MUC12: variants seen among roughly 807,000 people sequenced by gnomAD.
MUC12 encodes mucin-12.
A neutral mutation model predicts 230.8 loss-of-function variants in MUC12; 172 were observed. That is an observed-to-expected ratio of 0.75 (90% CI 0.66 to 0.85). MUC12 has a LOEUF of 0.85. MUC12 is among the 40% of genes least tolerant of loss of function. The probability of loss-of-function intolerance (pLI) is 0.00; values close to 1 mark genes in which losing one functional copy is unlikely to be tolerated. For synonymous variants in MUC12, 1,259 were observed against 2,401.9 expected (o/e 0.52, Z 13.91); for missense variants, 3,506 against 5,920.6 (o/e 0.59, Z 13.38).
At chr7:100,990,537 T>A in intron 1 of MUC12, 94 bp from the exon 2 acceptor site, 2 of 1,438,226 alleles carry the variant, frequency 1.4e-6, no homozygotes, top group Non-Finnish European at 1.9e-6. Context: ...TGACCAGGTG[T>A]CTTCCAGCCC....
intron 1 of MUC12, among the ~76,000 whole-genome samples, chr7:100,989,243 G>T (rs1004845421): frequency 6.6e-6 from 1 of 151,610 alleles, no homozygotes; most frequent in African/African-American, 2.4e-5. Flanking sequence ...CAAGTAGCTG[G>T]GATTACAGGT....
In MUC12 at chr7:100,992,458, C is replaced by T. The variant is rs1793344859; in HGVS notation, c.1895C>T (p.Thr632Ile). 13 of 1,537,940 alleles carry T rather than the reference C, an allele frequency of 8.5e-6. No individual in the cohort carries two copies. The highest frequency in any genetic ancestry group is 9.6e-6 in the Non-Finnish European group (11 of 1,147,034). ...AGSTTRQGES[T>I]TFHSWPSSKD... ...TCTACAACCCGTCAGGGAGAATCTA[C>T]CACATTCCATAGCTGGCCAAGCTCA... is the stretch of plus-strand genomic sequence containing the variant. Residue 632 changes from threonine to isoleucine, a missense_variant, in exon 2 of 12, where the codon ACC becomes ATC. Transcript: ENST00000536621.
Position 101,004,601 on chromosome 7 carries a change from A to C in MUC12, c.14038A>C (p.Ser4680Arg). 6.5e-7 allele frequency: 1 copy of C among 1,536,824 alleles called. No individual in the cohort carries two copies. The highest frequency in any genetic ancestry group is 1.4e-5 in the African/African-American group (1 of 73,072). Residue 4680 changes from serine (S) to arginine (R), a missense_variant, in exon 2 of 12, where the codon AGT becomes CGT. Ser to Arg is a moderately radical substitution (Grantham distance 110, BLOSUM62 -1). Transcript: ENST00000536621. ...TGAGAGCTCCACAACCTCCGGCCGT[A>C]GTGAGGAATCAACAGCATCCCACAG... ...FPESSTTSGRSEESTASHSSP... is the reference protein window; with the variant it reads ...FPESSTTSGRREESTASHSSP...
rs764970956 is a variant in MUC12, at chr7:100,994,123, C to A, written c.3560C>A (p.Thr1187Lys). 18 of 1,030,510 alleles carry A rather than the reference C, an allele frequency of 1.7e-5. 6 individuals are homozygous for A. In the South Asian group the frequency reaches 2.6e-4, roughly 15 times the overall value. 63.8% of individuals were successfully genotyped at this position (1,030,510 alleles called of 1,614,324 possible). A position where few individuals can be genotyped will look rare whatever the true frequency, so the allele number is the denominator to read the frequency against. ...ACCTCAGTTCATGGTGAAGAGCCTACAACCTTCCACAGCCGGCCAGCCTCA... is the reference window on the plus strand; with the variant it reads ...ACCTCAGTTCATGGTGAAGAGCCTAAAACCTTCCACAGCCGGCCAGCCTCA... Reference protein sequence around the residue: ...TTTSVHGEEPTTFHSRPASTH... With the variant: ...TTTSVHGEEPKTFHSRPASTH... Residue 1187 changes from threonine (T) to lysine (K), a missense_variant, in exon 2 of 12, where the codon ACA (threonine) becomes AAA (lysine). Transcript: ENST00000536621.
At chr7:101,012,613 A>G (rs1246375522) in intron 6 of MUC12, among the ~76,000 whole-genome samples, 166 bp downstream of exon 6, 1 of 151,914 alleles carries the variant, frequency 6.6e-6, no homozygotes, top group East Asian at 1.9e-4. Context: ...GCTGCTCCCA[A>G]CAGCCCCCTC....
rs893481209 is a variant in MUC12, at chr7:101,004,503, C to G, written c.13940C>G (p.Thr4647Ser). Residue 4647 changes from threonine (T) to serine (S), a missense_variant, in exon 2 of 12, where the codon ACC becomes AGC. Physicochemically the swap from Thr to Ser is moderately conservative, Grantham distance 58. Transcript: ENST00000536621. ...CACACAATATCTTCACCTCCTAGCACCACATCTGCCCTTGTTGAAGAACCT... is the reference window on the plus strand; with the variant it reads ...CACACAATATCTTCACCTCCTAGCAGCACATCTGCCCTTGTTGAAGAACCT... ...TTHTISSPPS[T>S]TSALVEEPTS... The G allele has an allele frequency of 6.5e-6, 10 of 1,534,934 alleles. No individual in the cohort carries two copies. The highest frequency in any genetic ancestry group is 8.7e-6 in the Non-Finnish European group (10 of 1,146,186).
At chr7:100,983,796 T>C (rs1380498254) in intron 1 of MUC12, among the ~76,000 whole-genome samples, 1 of 152,230 alleles carries the variant, frequency 6.6e-6, no homozygotes, top group Non-Finnish European at 1.5e-5. Flanking sequence ...TTATATGCTT[T>C]TTCATTGTTT....
At chr7:100,975,643 G>A (rs1793016495) in intron 1 of MUC12, among the ~76,000 whole-genome samples, 1 of 28,256 alleles carries the variant, frequency 3.5e-5, no homozygotes, top group Non-Finnish European at 7.9e-5. Flanking sequence ...CCAATCTGCT[G>A]CTGGAGCTAC....
chr7:100,971,197 C>T (rs905371571), intron 1 of MUC12, among the ~76,000 whole-genome samples: 3 of 486 alleles, frequency 6.2e-3, no homozygotes, highest in Non-Finnish European at 0.011. Flanking sequence ...AAAAACAAAC[C>T]GTGGCTGAGG....
In MUC12 at chr7:100,992,409, C is replaced by T; in HGVS notation, c.1846C>T (p.His616Tyr). Residue 616 changes from histidine to tyrosine, a missense_variant, in exon 2 of 12, where the codon CAC becomes TAC. Coordinates refer to ENST00000536621, the MANE Select transcript of MUC12 (RefSeq NM_001164462.2). ...MPVHSSTRSP[H>Y]TTLSPAGSTT... ...CGTCCACAGCAGCACCAGATCGCCA[C>T]ACACAACACTGTCCCCTGCCGGCTC... is the stretch of plus-strand genomic sequence containing the variant. 1 of 1,537,564 alleles carries T rather than the reference C, an allele frequency of 6.5e-7. No individual in the cohort carries two copies. Among genetic ancestry groups the T allele is most frequent in the East Asian group, 2.4e-5 (1 of 40,910 alleles).
rs1478588984 is a variant in MUC12, at chr7:100,992,449, G to T, written c.1886G>T (p.Gly629Val). 6.5e-7 allele frequency: 1 copy of T among 1,537,792 alleles called. No individual in the cohort carries two copies. Among genetic ancestry groups the T allele is most frequent in the African/African-American group, 1.4e-5 (1 of 73,030 alleles). ...CCTGCCGGCTCTACAACCCGTCAGG[G>T]AGAATCTACCACATTCCATAGCTGG... ...LSPAGSTTRQ[G>V]ESTTFHSWPS... The change falls in exon 2 of 12, where the codon GGA becomes GTA. Residue 629 changes from glycine to valine, a missense_variant. Transcript: ENST00000536621.
Position 100,969,603 on chromosome 7 carries a change from A to G in MUC12, c.-20A>G, listed in dbSNP as rs1584819904. 1 of 1,537,440 alleles carries G rather than the reference A, an allele frequency of 6.5e-7. No homozygotes were observed. The highest frequency in any genetic ancestry group is 2.4e-5 in the East Asian group (1 of 40,930). On this transcript the variant is annotated 5_prime_UTR_variant, in exon 1 of 12. Coordinates refer to ENST00000536621, the MANE Select transcript of MUC12 (RefSeq NM_001164462.2). ...TCCTGATGAGAGAAGATGGGCAGCCAGGGGCCCGTTCCCCGGGAGATGCTG... is the reference window on the plus strand; with the variant it reads ...TCCTGATGAGAGAAGATGGGCAGCCGGGGGCCCGTTCCCCGGGAGATGCTG...
chr7:101,005,692 C>T (rs1793736377), intron 2 of MUC12, among the ~76,000 whole-genome samples, 173 bp downstream of exon 2: 1 of 152,200 alleles, frequency 6.6e-6, no homozygotes. Context: ...ATGTGCCGTT[C>T]ACTGGTCCCC....
In MUC12 at chr7:100,991,836, C is replaced by A. The variant is rs199601698; in HGVS notation, c.1273C>A (p.Arg425Ser). 4 of 1,537,686 alleles carry A rather than the reference C, an allele frequency of 2.6e-6. No individual in the cohort carries two copies. Among genetic ancestry groups the A allele is most frequent in the African/African-American group, 1.4e-5 (1 of 73,160 alleles). ...GGGCTCAACTGAAACAACACACTTC[C>A]GTGATAGCTCCACAATCTCAGGCCG... ...SLGSTETTHFRDSSTISGRSE... is the reference protein window; with the variant it reads ...SLGSTETTHFSDSSTISGRSE... Residue 425 changes from arginine to serine, a missense_variant, in exon 2 of 12, where the codon CGT becomes AGT. Transcript: ENST00000536621.
In MUC12 at chr7:100,991,993, C is replaced by A. The variant is rs1793324535; in HGVS notation, c.1430C>A (p.Thr477Asn). The A allele has an allele frequency of 2.0e-6, 3 of 1,537,872 alleles. No homozygotes were observed. The highest frequency in any genetic ancestry group is 2.0e-5 in the Admixed American group (1 of 50,988). ...PSPISSGSME[T>N]TALPGSTTKP... is the part of the protein sequence containing the mutation. The stretch of plus-strand genomic sequence containing the variant: ...CCCATCAGTTCAGGCTCAATGGAAA[C>A]CACAGCGTTACCCGGCAGTACCACA... The change falls in exon 2 of 12, where the codon ACC becomes AAC. Residue 477 changes from threonine (T) to asparagine (N), a missense_variant. Physicochemically the swap from Thr to Asn is moderately conservative, Grantham distance 65 (BLOSUM62 0). Transcript: ENST00000536621.
chr7:101,011,792 G>T (rs1163630491), intron 5 of MUC12, among the ~76,000 whole-genome samples: 1 of 152,078 alleles, frequency 6.6e-6, no homozygotes, highest in African/African-American at 2.4e-5. Flanking sequence ...TTTGTCTGTT[G>T]ATGGACCCTT....
chr7:101,011,947 T>G (rs1419471758), intron 5 of MUC12, among the ~76,000 whole-genome samples: 3 of 152,170 alleles, frequency 2.0e-5, no homozygotes, highest in Non-Finnish European at 4.4e-5. Context: ...TATTTTAAAT[T>G]TTTTGAGGAG....
rs534730190 is a variant in MUC12 at position 100,980,042 on chromosome 7, C to T, written c.67+10353C>T. ...TCGCCTCTCTCTCTTTTTTTTTTTT[C>T]GTTGTTGTTGTTTTGTTTTTTAGAT... On this transcript the variant is annotated intron_variant, in intron 1 of 11. Transcript: ENST00000536621. Among the ~76,000 whole-genome samples the T allele has an allele frequency of 5.8e-3, 852 of 146,482 alleles. 4 individuals carry two copies. Among genetic ancestry groups the T allele is most frequent in the Non-Finnish European group, 8.8e-3 (583 of 66,476 alleles).
intron 3 of MUC12, among the ~76,000 whole-genome samples, chr7:101,007,503 T>C (rs1358912776): frequency 6.6e-6 from 1 of 152,196 alleles, no homozygotes; most frequent in Non-Finnish European, 1.5e-5. Flanking sequence ...GAACATGCAA[T>C]GTTTGTCTTT....
Sources: allele counts gnomAD v4.1 joint callset (sites outside exome capture counted in the v4.1 genomes callset), GRCh38; gene constraint gnomAD v4.1.1; transcripts MANE v1.5; gene names NCBI Gene and HGNC (gene_info 2026-07-23, HGNC 2026-07-21).